Variants in CALN1 observed in about 807,000 individuals in gnomAD.
CALN1 encodes the protein calcium-binding protein 8.
CALN1 carries 17 observed loss-of-function variants against 30.6 expected under a neutral mutation model. The observed-to-expected ratio is 0.56, with a 90% confidence interval of 0.38 to 0.83. The LOEUF is 0.83. Ranked by LOEUF, CALN1 falls within the 40% of genes least tolerant of loss-of-function variation. CALN1 has a pLI of 0.00. For missense variants in CALN1, 291 were observed against 354.9 expected (o/e 0.82, Z 1.45); for synonymous variants, 156 against 131.4 (o/e 1.19, Z -1.28).
chr7:72,018,747 T>C (rs1272693627), intron 5 of CALN1, among the ~76,000 whole-genome samples: 1 of 152,224 alleles, frequency 6.6e-6, no homozygotes, highest in Non-Finnish European at 1.5e-5. Flanking sequence ...AATAAATAGC[T>C]GTTTTTGCTG....
At chr7:72,386,355 T>G (rs540119772) in intron 2 of CALN1, among the ~76,000 whole-genome samples, 62 of 152,254 alleles carry the variant, frequency 4.1e-4, no homozygotes, top group African/African-American at 1.4e-3. Context: ...CGGAGAAAAG[T>G]GCTGACTTAA....
chr7:72,308,365 G>GGA (rs1355729155), intron 2 of CALN1, among the ~76,000 whole-genome samples: 4 of 58,418 alleles, frequency 6.8e-5, no homozygotes, highest in Non-Finnish European at 1.5e-4. Flanking sequence ...TGCTGTCTGT[G>GGA]GGGGGGGGAG....
chr7:71,975,430 TTTTATA>T (rs907855447), intron 5 of CALN1, among the ~76,000 whole-genome samples: 2 of 152,046 alleles, frequency 1.3e-5, no homozygotes, highest in African/African-American at 4.8e-5. Flanking sequence ...TCATTTTTAT[TTTTATA>T]TTTTTTAAAG....
chr7:72,061,508 A>C (rs1803644070), intron 4 of CALN1, among the ~76,000 whole-genome samples: 1 of 152,002 alleles, frequency 6.6e-6, no homozygotes, highest in Non-Finnish European at 1.5e-5. Context: ...ACTACAATGA[A>C]AATTTCAGAA....
chr7:71,823,910 A>G (rs1239814474), intron 5 of CALN1, among the ~76,000 whole-genome samples: 1 of 152,144 alleles, frequency 6.6e-6, no homozygotes, highest in African/African-American at 2.4e-5. Flanking sequence ...AAAGGGACTC[A>G]TCTTTATAAA....
At chr7:71,898,376 T>C (rs1331016858) in intron 5 of CALN1, among the ~76,000 whole-genome samples, 2 of 151,958 alleles carry the variant, frequency 1.3e-5, no homozygotes, top group Non-Finnish European at 2.9e-5. Flanking sequence ...TAAAACTCAA[T>C]AGTTGGGTGT....
At chr7:71,790,364 AAAGAAAAG>A (rs1209962225) in intron 6 of CALN1, among the ~76,000 whole-genome samples, 113 of 86,516 alleles carry the variant, frequency 1.3e-3, no homozygotes, top group South Asian at 3.0e-3. Flanking sequence ...AGAAAGAAAG[AAAGAAAAG>A]AAAGAAAGAA....
chr7:72,022,949 A>G (rs1379343327), intron 5 of CALN1, among the ~76,000 whole-genome samples: 1 of 151,472 alleles, frequency 6.6e-6, no homozygotes, highest in Non-Finnish European at 1.5e-5. Flanking sequence ...AATTTAAAAA[A>G]AAGAAAAATC....
chr7:72,329,778 AC>A (rs1455817968), intron 2 of CALN1, among the ~76,000 whole-genome samples: 2 of 151,362 alleles, frequency 1.3e-5, no homozygotes, highest in African/African-American at 4.9e-5. Flanking sequence ...ACATGGTGAG[AC>A]CCCGTCACTA....
At chr7:72,233,427 A>G (rs1228266146) in intron 3 of CALN1, among the ~76,000 whole-genome samples, 1 of 152,128 alleles carries the variant, frequency 6.6e-6, no homozygotes, top group Non-Finnish European at 1.5e-5. Flanking sequence ...TTCAAGAGAG[A>G]GAAAAAGGCT....
intron 1 of CALN1, among the ~76,000 whole-genome samples, chr7:72,430,927 G>T (rs1807953089): frequency 6.7e-6 from 1 of 149,710 alleles, no homozygotes; most frequent in South Asian, 2.1e-4. Flanking sequence ...TGCTCACAGT[G>T]TTGGGAAAAT....
At chr7:72,431,608 G>T (rs185681158) in intron 1 of CALN1, among the ~76,000 whole-genome samples, 182 of 152,262 alleles carry the variant, frequency 1.2e-3, no homozygotes, top group Admixed American at 3.5e-3. Context: ...GGGGGCCAAG[G>T]CTGGAAGATC....
the CALN1 span, among the ~76,000 whole-genome samples, chr7:72,503,716 A>C: frequency 6.6e-6 from 1 of 152,150 alleles, no homozygotes; most frequent in African/African-American, 2.4e-5. Context: ...TAGACGAAAC[A>C]GCCATGATCT....
intron 2 of CALN1, among the ~76,000 whole-genome samples, chr7:72,395,297 CACTT>C (rs762833844): frequency 6.6e-5 from 10 of 152,004 alleles, no homozygotes; most frequent in Non-Finnish European, 1.2e-4. Flanking sequence ...AGAAAATAAA[CACTT>C]AATAGGTGGT....
At chr7:72,140,739 T>C (rs1809868213) in intron 3 of CALN1, among the ~76,000 whole-genome samples, 2 of 152,212 alleles carry the variant, frequency 1.3e-5, no homozygotes, top group Non-Finnish European at 2.9e-5. Flanking sequence ...GGCAGGGCCC[T>C]GGAACCAAAT....
chr7:71,849,243 A>C (rs1790497000), intron 5 of CALN1, among the ~76,000 whole-genome samples: 1 of 152,188 alleles, frequency 6.6e-6, no homozygotes, highest in Non-Finnish European at 1.5e-5. Flanking sequence ...ATTGTATTGA[A>C]TATCCCATCC....
At chr7:72,320,494 T>C (rs1800797695) in intron 2 of CALN1, among the ~76,000 whole-genome samples, 1 of 152,020 alleles carries the variant, frequency 6.6e-6, no homozygotes, top group African/African-American at 2.4e-5. Context: ...TAGGATGACA[T>C]AAGCAAAGAA....
At chr7:71,973,464 C>A (rs996026708) in intron 5 of CALN1, among the ~76,000 whole-genome samples, 16 of 152,222 alleles carry the variant, frequency 1.1e-4, no homozygotes, top group African/African-American at 3.9e-4. Context: ...GCGTGAGCCA[C>A]CTTGCCCAGC....
chr7:71,882,745 A>G (rs1309826504), intron 5 of CALN1, among the ~76,000 whole-genome samples: 1 of 150,942 alleles, frequency 6.6e-6, no homozygotes, highest in African/African-American at 2.4e-5. Flanking sequence ...GTACAATGGC[A>G]CAATCATAGC....
Sources: allele counts gnomAD v4.1 joint callset (sites outside exome capture counted in the v4.1 genomes callset), GRCh38; gene constraint gnomAD v4.1.1; transcripts MANE v1.5; gene names NCBI Gene and HGNC (gene_info 2026-07-23, HGNC 2026-07-21).